ADAMTS17: variants seen among roughly 807,000 people sequenced by gnomAD.
ADAMTS17 encodes A disintegrin and metalloproteinase with thrombospondin motifs 17.
ADAMTS17 carries 113 observed loss-of-function variants against 141.5 expected under a neutral mutation model. That is an observed-to-expected ratio of 0.80 (90% CI 0.69 to 0.93). The LOEUF (loss-of-function observed/expected upper bound fraction) is 0.93. Among genes scored for constraint, ADAMTS17 ranks in the 40% least tolerant of loss-of-function variants. The probability of loss-of-function intolerance (pLI) is 0.00; values close to 1 mark genes in which losing one functional copy is unlikely to be tolerated. For missense variants in ADAMTS17, 1,659 were observed against 1,517.9 expected (o/e 1.09, Z -1.54); for synonymous variants, 768 against 630.6 (o/e 1.22, Z -3.27).
chr15:100,205,775 G>C (rs2041522028), intron 7 of ADAMTS17, among the ~76,000 whole-genome samples: 1 of 152,248 alleles, frequency 6.6e-6, no homozygotes, highest in Non-Finnish European at 1.5e-5. Context: ...CACACGCCTA[G>C]GGGAAGCAGC....
At chr15:100,238,699 G>C (rs2141884581) in intron 7 of ADAMTS17, among the ~76,000 whole-genome samples, 1 of 152,316 alleles carries the variant, frequency 6.6e-6, no homozygotes, top group Middle Eastern at 3.4e-3. Flanking sequence ...ACTCGCGAGT[G>C]GCATAATTTC....
At chr15:100,261,784 T>A in intron 5 of ADAMTS17, 148 bp from the exon 6 acceptor site, 1 of 876,848 alleles carries the variant, frequency 1.1e-6, no homozygotes, top group Non-Finnish European at 1.8e-6. Flanking sequence ...AGCCTGATGC[T>A]AGTGGGTACG....
chr15:100,101,691 AATG>A (rs2036111844), intron 14 of ADAMTS17, among the ~76,000 whole-genome samples: 2 of 152,212 alleles, frequency 1.3e-5, no homozygotes, highest in Non-Finnish European at 2.9e-5. Context: ...AGAGCATACA[AATG>A]ATGACCTCTT....
chr15:100,215,641 A>C (rs2041947033), intron 7 of ADAMTS17, among the ~76,000 whole-genome samples: 1 of 152,092 alleles, frequency 6.6e-6, no homozygotes, highest in Non-Finnish European at 1.5e-5. Flanking sequence ...TAAGTGACTC[A>C]GTCAGCAGAC....
At chr15:100,320,810 G>C (rs938689964) in intron 3 of ADAMTS17, among the ~76,000 whole-genome samples, 3 of 152,006 alleles carry the variant, frequency 2.0e-5, no homozygotes, top group African/African-American at 4.8e-5. Context: ...TCCAGCATGG[G>C]AGACAGAGCA....
At chr15:99,983,352 C>T (rs999949872) in intron 20 of ADAMTS17, among the ~76,000 whole-genome samples, 3 of 152,092 alleles carry the variant, frequency 2.0e-5, no homozygotes, top group Non-Finnish European at 2.9e-5. Context: ...GGTTTCAGAG[C>T]GTCCATGTAA....
rs753752375 is a variant in ADAMTS17, at chr15:100,192,429, A to AAC, written c.1181+6887_1181+6888dup. Among the ~76,000 whole-genome samples, 6 of 152,326 alleles carry AAC rather than the reference A, an allele frequency of 3.9e-5. No homozygotes were observed. In the East Asian group the frequency reaches 1.2e-3, roughly 29 times the overall value. ...CTCCAGGAAGGCCAACCCCTATGTG[A>AAC]ACACAACTGCCCTAATCCCAGCTAG... On this transcript the variant is annotated intron_variant, in intron 8 of 21. Transcript: ENST00000268070.
chr15:100,168,513 G>A (rs1369511278), intron 8 of ADAMTS17: 4 of 152,250 alleles, frequency 2.6e-5, no homozygotes, highest in African/African-American at 9.7e-5. Context: ...GCTGGGACAG[G>A]GCAGGAAATG....
rs59903577 is a variant in ADAMTS17, at chr15:100,319,476, C to T, written c.616+11413G>A. On this transcript the variant is annotated intron_variant, in intron 3 of 21. Coordinates refer to ENST00000268070, the MANE Select transcript of ADAMTS17 (RefSeq NM_139057.4). ...CTGTAATCCCAGCACTTAGGGAGGC[C>T]GACGCAAGCAGATCTCAAGGTCAGG... is the stretch of plus-strand genomic sequence containing the variant. 3.5e-3 allele frequency among the ~76,000 whole-genome samples: 526 copies of T among 152,082 alleles called. 7 individuals carry two copies. The highest frequency in any genetic ancestry group is 0.012 in the African/African-American group (494 of 41,470).
chr15:100,223,728 A>G (rs2042210185), intron 7 of ADAMTS17, among the ~76,000 whole-genome samples: 1 of 147,086 alleles, frequency 6.8e-6, no homozygotes, highest in Non-Finnish European at 1.5e-5. Flanking sequence ...TATAGTGTAT[A>G]TATACACATG....
At chr15:100,103,570 C>CT (rs937365825) in intron 14 of ADAMTS17, among the ~76,000 whole-genome samples, 1 of 120,542 alleles carries the variant, frequency 8.3e-6, no homozygotes, top group Non-Finnish European at 1.8e-5. Context: ...TCCATCCAGC[C>CT]ACTCTTTTTT....
chr15:100,183,418 C>T (rs1266183919), intron 8 of ADAMTS17, among the ~76,000 whole-genome samples: 4 of 152,216 alleles, frequency 2.6e-5, no homozygotes, highest in African/African-American at 7.2e-5. Context: ...ATTCCGTCAT[C>T]TCCACTCTAT....
intron 13 of ADAMTS17, among the ~76,000 whole-genome samples, chr15:100,115,550 T>A (rs2037063396): frequency 1.3e-5 from 2 of 152,232 alleles, no homozygotes; most frequent in Non-Finnish European, 2.9e-5. Flanking sequence ...CATGTTGCTC[T>A]ACGAGTCAGC....
chr15:100,141,292 G>A (rs375905012), intron 10 of ADAMTS17, among the ~76,000 whole-genome samples: 17 of 152,204 alleles, frequency 1.1e-4, no homozygotes, highest in South Asian at 1.0e-3. Context: ...ACGAGCCTTC[G>A]CCACTTTTCT....
chr15:100,228,951 G>A (rs542929453), intron 7 of ADAMTS17, among the ~76,000 whole-genome samples: 9 of 152,240 alleles, frequency 5.9e-5, no homozygotes, highest in African/African-American at 1.9e-4. Flanking sequence ...TTGCAGAAGA[G>A]AAGTTGGATA....
intron 7 of ADAMTS17, among the ~76,000 whole-genome samples, chr15:100,247,097 G>C (rs1302304162): frequency 6.6e-6 from 1 of 151,944 alleles, no homozygotes; most frequent in Non-Finnish European, 1.5e-5. Flanking sequence ...ATGTTGGCCG[G>C]GCTAGTCTCG....
At chr15:100,076,548 AG>A (rs906152262) in intron 15 of ADAMTS17, among the ~76,000 whole-genome samples, 23 of 152,332 alleles carry the variant, frequency 1.5e-4, no homozygotes, top group African/African-American at 5.5e-4. Context: ...CAAATTTTAA[AG>A]TGAGACAAGT....
chr15:100,163,337 T>C (rs2039815781), intron 8 of ADAMTS17, among the ~76,000 whole-genome samples: 1 of 152,062 alleles, frequency 6.6e-6, no homozygotes. Flanking sequence ...TGAGAGTGTG[T>C]GAGATAAAGC....
chr15:99,995,878 G>A (rs1412610353), intron 19 of ADAMTS17, among the ~76,000 whole-genome samples: 3 of 152,168 alleles, frequency 2.0e-5, no homozygotes, highest in Non-Finnish European at 4.4e-5. Flanking sequence ...TGTGGTGCTC[G>A]TTCGGGATTA....
Sources: allele counts gnomAD v4.1 joint callset (sites outside exome capture counted in the v4.1 genomes callset), GRCh38; gene constraint gnomAD v4.1.1; transcripts MANE v1.5; gene names NCBI Gene and HGNC (gene_info 2026-07-23, HGNC 2026-07-21).